Variants in ELMO1 observed in about 807,000 individuals in gnomAD.
ELMO1 encodes the protein engulfment and cell motility 1.
A neutral mutation model predicts 98.9 loss-of-function variants in ELMO1; 26 were observed. The ratio of observed to expected loss-of-function variants is 0.26; its 90% confidence interval spans 0.19 to 0.36. The LOEUF (loss-of-function observed/expected upper bound fraction) is 0.36. Among genes scored for constraint, ELMO1 ranks in the 10% least tolerant of loss-of-function variants. The probability of loss-of-function intolerance (pLI) is 1.00; values close to 1 mark genes in which losing one functional copy is unlikely to be tolerated. For synonymous variants in ELMO1, 346 were observed against 346.0 expected (o/e 1.00, Z 0.00); for missense variants, 627 against 935.2 (o/e 0.67, Z 4.30).
chr7:37,110,533 C>A (rs143083214), intron 14 of ELMO1, among the ~76,000 whole-genome samples: 1 of 152,296 alleles, frequency 6.6e-6, no homozygotes, highest in East Asian at 1.9e-4. Context: ...ACCTATGTAA[C>A]AAACCTGCAT....
intron 13 of ELMO1, among the ~76,000 whole-genome samples, chr7:37,187,841 G>A (rs1033609192): frequency 6.6e-6 from 1 of 151,922 alleles, no homozygotes; most frequent in Non-Finnish European, 1.5e-5. Flanking sequence ...AGACAGCACA[G>A]TTTTTAAAAA....
intron 13 of ELMO1, among the ~76,000 whole-genome samples, chr7:37,166,535 G>A (rs1445292157): frequency 1.3e-5 from 2 of 151,866 alleles, no homozygotes; most frequent in Non-Finnish European, 2.9e-5. Flanking sequence ...CTGGTATGTT[G>A]TGTCTTTGTT....
At chr7:36,921,112 C>T (rs1423372457) in intron 16 of ELMO1, among the ~76,000 whole-genome samples, 2 of 151,334 alleles carry the variant, frequency 1.3e-5, no homozygotes, top group Non-Finnish European at 2.9e-5. Flanking sequence ...TGAGCCTTTG[C>T]CAGGCACCAC....
chr7:37,321,729 A>AAAAAAAAAAAAAAAAAAAAAAAAC (rs1306951906), intron 2 of ELMO1, among the ~76,000 whole-genome samples: 3 of 150,170 alleles, frequency 2.0e-5, no homozygotes, highest in African/African-American at 7.4e-5. Context: ...AAAAAAAAAA[A>AAAAAAAAAAAAAAAAAAAAAAAAC]AAAAAAAAAC....
intron 14 of ELMO1, among the ~76,000 whole-genome samples, chr7:37,098,568 T>G (rs1345062935): frequency 6.6e-6 from 1 of 152,186 alleles, no homozygotes; most frequent in Non-Finnish European, 1.5e-5. Context: ...CAGAGCCCAC[T>G]GAGGTGAGCT....
chr7:36,970,513 C>T (rs1179191838), intron 16 of ELMO1, among the ~76,000 whole-genome samples: 6 of 152,194 alleles, frequency 3.9e-5, no homozygotes, highest in Non-Finnish European at 4.4e-5. Flanking sequence ...ATGTTGCTTA[C>T]AATCTTATAA....
At chr7:37,226,459 C>T (rs540278210) in intron 8 of ELMO1, among the ~76,000 whole-genome samples, 38 of 152,270 alleles carry the variant, frequency 2.5e-4, no homozygotes, top group Non-Finnish European at 4.9e-4. Context: ...CAATTATTGT[C>T]ACACTGTGTT....
chr7:37,001,138 A>C (rs1317532670), intron 16 of ELMO1, among the ~76,000 whole-genome samples: 2 of 152,176 alleles, frequency 1.3e-5, no homozygotes, highest in African/African-American at 4.8e-5. Flanking sequence ...TCATTTCATA[A>C]CTTCCTCAGA....
intron 1 of ELMO1, among the ~76,000 whole-genome samples, chr7:37,351,924 T>G (rs1801288013): frequency 6.6e-6 from 1 of 152,228 alleles, no homozygotes; most frequent in African/African-American, 2.4e-5. Context: ...TCTGTGGGAC[T>G]GCTATCAGAA....
intron 16 of ELMO1, among the ~76,000 whole-genome samples, chr7:37,010,370 AG>A: frequency 6.6e-6 from 1 of 152,348 alleles, no homozygotes; most frequent in Non-Finnish European, 1.5e-5. Context: ...TCTGCAGCAC[AG>A]GGGAATTGGG....
chr7:36,872,915 T>C (rs1803647743), intron 19 of ELMO1, among the ~76,000 whole-genome samples: 1 of 152,210 alleles, frequency 6.6e-6, no homozygotes, highest in Non-Finnish European at 1.5e-5. Context: ...AAGCTACAAT[T>C]GGTAAGTTAG....
chr7:37,150,381 A>C (rs535616532), intron 13 of ELMO1, among the ~76,000 whole-genome samples: 2 of 151,984 alleles, frequency 1.3e-5, no homozygotes, highest in East Asian at 3.9e-4. Context: ...ACATTCACAC[A>C]ATCAGTGTGT....
chr7:36,974,695 C>T (rs548160508), intron 16 of ELMO1, among the ~76,000 whole-genome samples: 3 of 152,188 alleles, frequency 2.0e-5, no homozygotes, highest in Non-Finnish European at 4.4e-5. Context: ...GCAGTGGCAA[C>T]CCGCTCGGGT....
chr7:37,383,846 G>T (rs59245288), intron 1 of ELMO1, among the ~76,000 whole-genome samples: 87,540 of 151,682 alleles, frequency 0.58, 25,503 homozygotes, highest in East Asian at 0.69. Context: ...GATGGAGTTT[G>T]GCTCTGTTGC....
At position 37,221,031 on chromosome 7, in the gene ELMO1, G is replaced by C. The variant is rs117569880; in HGVS notation, c.780+1584C>G. On this transcript the variant is annotated intron_variant, in intron 10 of 21. Transcript: ENST00000310758. ...TTGGGAGTTATGAGTTCGGTATTTA[G>C]ACTAAAATATCACAGAAGCAGCCCT... Among the ~76,000 whole-genome samples the C allele has an allele frequency of 2.8e-3, 421 of 152,194 alleles. 3 individuals are homozygous for C. Among genetic ancestry groups the C allele is most frequent in the Non-Finnish European group, 4.9e-3 (333 of 68,004 alleles).
In ELMO1 at chr7:37,039,828, C is replaced by T. The variant is rs140173543; in HGVS notation, c.1301-26393G>A. ...AATTAATCTCTCTCTACATGAGCAACATCATGCTGATTGAAGATAAATTAC... is the reference window on the plus strand; with the variant it reads ...AATTAATCTCTCTCTACATGAGCAATATCATGCTGATTGAAGATAAATTAC... On this transcript the variant is annotated intron_variant, in intron 15 of 21. Coordinates refer to ENST00000310758, the MANE Select transcript of ELMO1 (RefSeq NM_014800.11). Among the ~76,000 whole-genome samples the T allele has an allele frequency of 4.2e-3, 641 of 152,294 alleles. 6 individuals are homozygous for T. The Middle Eastern group carries it at 0.048, about 11-fold the overall frequency.
rs184755423 is a variant in ELMO1 at position 37,389,094 on chromosome 7, T to G, written c.-73-46331A>C. ...AAACTAGGCTTTCTTTTTTAAACTT[T>G]AATTCAAGGAAAGAAATAACAATGC... On this transcript the variant is annotated intron_variant, in intron 1 of 21. Coordinates refer to ENST00000310758, the MANE Select transcript of ELMO1 (RefSeq NM_014800.11). Among the ~76,000 whole-genome samples, 134 of 152,348 alleles carry G rather than the reference T, an allele frequency of 8.8e-4. 1 individual carries two copies. In the East Asian group the frequency reaches 0.021, roughly 23 times the overall value.
intron 16 of ELMO1, among the ~76,000 whole-genome samples, chr7:36,896,494 T>C (rs1173285126): frequency 2.0e-5 from 3 of 152,186 alleles, no homozygotes; most frequent in Non-Finnish European, 4.4e-5. Flanking sequence ...AGGCTTTTCA[T>C]TGAAGACATT....
At chr7:37,109,353 T>C (rs1441914650) in intron 14 of ELMO1, among the ~76,000 whole-genome samples, 1 of 152,256 alleles carries the variant, frequency 6.6e-6, no homozygotes, top group African/African-American at 2.4e-5. Context: ...TGTGTGTTTA[T>C]GGAAAACATT....
Sources: allele counts gnomAD v4.1 joint callset (sites outside exome capture counted in the v4.1 genomes callset), GRCh38; gene constraint gnomAD v4.1.1; transcripts MANE v1.5; gene names NCBI Gene and HGNC (gene_info 2026-07-23, HGNC 2026-07-21).